The following SLC44A1 variants were observed in gnomAD, a reference collection of about 807,000 sequenced individuals.
SLC44A1 encodes the protein choline transporter-like protein 1.
A neutral mutation model predicts 79.3 loss-of-function variants in SLC44A1; 26 were observed. The observed-to-expected ratio is 0.33, with a 90% confidence interval of 0.24 to 0.46. The LOEUF (loss-of-function observed/expected upper bound fraction) is 0.46. Among genes scored for constraint, SLC44A1 ranks in the 20% least tolerant of loss-of-function variants. The pLI is 1.00. For missense variants in SLC44A1, 688 were observed against 798.1 expected, an observed-to-expected ratio of 0.86 and a Z score of 1.66; for synonymous variants, 263 against 286.2, an observed-to-expected ratio of 0.92 and a Z score of 0.82.
intron 1 of SLC44A1, among the ~76,000 whole-genome samples, chr9:105,262,774 T>C (rs1486904199): frequency 6.6e-6 from 1 of 152,236 alleles, no homozygotes; most frequent in Non-Finnish European, 1.5e-5. Flanking sequence ...AAGTATTCAA[T>C]TTGTTTCCTA....
chr9:105,436,678 A>G (rs566294147), intron 15 of SLC44A1, among the ~76,000 whole-genome samples: 7 of 152,338 alleles, frequency 4.6e-5, no homozygotes, highest in Admixed American at 2.0e-4. Flanking sequence ...TGAGTGAGGA[A>G]CTAATGTGGC....
Position 105,389,451 on chromosome 9 carries a change from G to A in SLC44A1, c.*395G>A. ...CTAATTATGTCTAAAGTTTATTCAG[G>A]GGTAATTTCCCTGATGTCTGTATAA... On this transcript the variant is annotated 3_prime_UTR_variant, in exon 16 of 16. Transcript: ENST00000374720. 9.7e-7 allele frequency: 1 copy of A among 1,031,582 alleles called. No homozygotes were observed. The highest frequency in any genetic ancestry group is 1.2e-6 in the Non-Finnish European group (1 of 859,192). The allele number at this position is 1,031,582 out of a possible 1,614,324, so 63.9% of individuals were successfully genotyped here. A position where few individuals can be genotyped will look rare whatever the true frequency, so the allele number is the denominator to read the frequency against.
intron 13 of SLC44A1, among the ~76,000 whole-genome samples, chr9:105,376,460 G>A (rs937532263): frequency 6.0e-5 from 9 of 150,148 alleles, no homozygotes; most frequent in African/African-American, 1.5e-4. Flanking sequence ...TGCAACCTCC[G>A]CGTCCTGGGT....
chr9:105,433,985 G>T (rs1255420157), intron 15 of SLC44A1, among the ~76,000 whole-genome samples: 1 of 152,124 alleles, frequency 6.6e-6, no homozygotes, highest in Non-Finnish European at 1.5e-5. Context: ...AGACTATAAG[G>T]TAGAAGAAAA....
At chr9:105,356,127 T>A in intron 5 of SLC44A1, 85 bp from the exon 6 acceptor site, 1 of 1,042,760 alleles carries the variant, frequency 9.6e-7, no homozygotes, top group Non-Finnish European at 1.5e-6. Flanking sequence ...TGCAGCCATA[T>A]TCACCTTTCA....
chr9:105,393,317 G>A lies in SLC44A1; in HGVS notation c.*4261G>A. ...GAATTAACTCATCTTTGTTAACTTA[G>A]TGGCACATAGTCCAAATTTTTAAAA... is the stretch of plus-strand genomic sequence containing the variant. On this transcript the variant is annotated 3_prime_UTR_variant, in exon 16 of 16. Coordinates refer to ENST00000374720, the MANE Select transcript of SLC44A1 (RefSeq NM_080546.5). The A allele has an allele frequency of 1.0e-6, 1 of 985,388 alleles. No individual in the cohort carries two copies. The highest frequency in any genetic ancestry group is 1.2e-6 in the Non-Finnish European group (1 of 829,912). 61.0% of individuals were successfully genotyped at this position (985,388 alleles called of 1,614,324 possible). A position where few individuals can be genotyped will look rare whatever the true frequency, so the allele number is the denominator to read the frequency against.
chr9:105,401,314 A>G (rs372540078), downstream of SLC44A1, among the ~76,000 whole-genome samples: 109 of 152,362 alleles, frequency 7.2e-4, 1 homozygote, highest in Non-Finnish European at 5.4e-4. Context: ...GCTGGGTAAG[A>G]TAATAAAATG....
Position 105,374,697 on chromosome 9 carries a change from A to G in SLC44A1, c.1594A>G (p.Ile532Val), listed in dbSNP as rs765997770. 5 of 1,613,490 alleles carry G rather than the reference A, an allele frequency of 3.1e-6. No individual in the cohort carries two copies. Among genetic ancestry groups the G allele is most frequent in the African/African-American group, 1.3e-5 (1 of 74,926 alleles). Reference protein sequence around the residue: ...LVENALRVATINTVGDFMLFL... With the variant: ...LVENALRVATVNTVGDFMLFL... The stretch of plus-strand genomic sequence containing the variant: ...GGAGAATGCTTTGCGAGTGGCTACC[A>G]TCAACACAGTAGGAGATTTTATGTT... Residue 532 changes from isoleucine to valine, a missense_variant, in exon 13 of 16, where the codon ATC becomes GTC. Transcript: ENST00000374720.
Position 105,390,011 on chromosome 9 carries a change from G to GT in SLC44A1, c.*957dup. 1 of 1,386,358 alleles carries GT rather than the reference G, an allele frequency of 7.2e-7. No individual in the cohort carries two copies. Among genetic ancestry groups the GT allele is most frequent in the Non-Finnish European group, 9.4e-7 (1 of 1,067,388 alleles). The allele number at this position is 1,386,358 out of a possible 1,614,324, so 85.9% of individuals were successfully genotyped here. A position where few individuals can be genotyped will look rare whatever the true frequency, so the allele number is the denominator to read the frequency against. ...TTCAGAGTAACGTCAGTGGCTTAGG[G>GT]TTAAACGGCCATTTTATTCAAATGC... On this transcript the variant is annotated 3_prime_UTR_variant, in exon 16 of 16. Transcript: ENST00000374720.
intron 3 of SLC44A1, among the ~76,000 whole-genome samples, chr9:105,333,716 A>G (rs761209885): frequency 8.5e-5 from 13 of 152,112 alleles, no homozygotes; most frequent in Non-Finnish European, 1.8e-4. Context: ...AGGCTGAGGC[A>G]GGAGAATCGT....
intron 6 of SLC44A1, chr9:105,357,262 A>G (rs1163228446): frequency 1.3e-5 from 2 of 152,188 alleles, no homozygotes; most frequent in Non-Finnish European, 2.9e-5. Context: ...AAAAGTGAGT[A>G]CCTTAATAAT....
chr9:105,370,804 G>A (rs1422923371), intron 12 of SLC44A1, among the ~76,000 whole-genome samples: 1 of 152,194 alleles, frequency 6.6e-6, no homozygotes, highest in Non-Finnish European at 1.5e-5. Context: ...TTAGTTAAGA[G>A]TGAGTTGTTC....
intron 1 of SLC44A1, among the ~76,000 whole-genome samples, chr9:105,258,559 G>A (rs1829764328): frequency 6.6e-6 from 1 of 152,208 alleles, no homozygotes; most frequent in Admixed American, 6.5e-5. Flanking sequence ...TTCCAAGCCT[G>A]TGCACTTCCT....
chr9:105,270,167 C>T lies in SLC44A1; in HGVS notation c.36+25263C>T, dbSNP rs561594602. On this transcript the variant is annotated intron_variant, in intron 1 of 15. Transcript: ENST00000374720. ...CATGACAGCTCTTACTGTCATGGAA[C>T]TCAGTGATGTTTCGTGCATGATCAT... is the stretch of plus-strand genomic sequence containing the variant. Among the ~76,000 whole-genome samples, 45 of 152,088 alleles carry T rather than the reference C, an allele frequency of 3.0e-4. 1 individual carries two copies. In the South Asian group the frequency reaches 9.3e-3, roughly 32 times the overall value.
At chr9:105,298,507 G>A (rs1291730680) in intron 1 of SLC44A1, among the ~76,000 whole-genome samples, 2 of 152,030 alleles carry the variant, frequency 1.3e-5, no homozygotes, top group African/African-American at 4.8e-5. Context: ...CCACCACCAC[G>A]CCCAGCTAAT....
chr9:105,392,245 G>A lies in SLC44A1; in HGVS notation c.*3189G>A. 4.1e-6 allele frequency: 4 copies of A among 983,616 alleles called. No homozygotes were observed. The South Asian group carries it at 1.9e-4, about 46-fold the overall frequency. 60.9% of individuals were successfully genotyped at this position (983,616 alleles called of 1,614,324 possible). ...TTAAAGTTTTTATTTTATCCTATAAGATAATTAAGTCCTAAGTCACTACAA... is the reference window on the plus strand; with the variant it reads ...TTAAAGTTTTTATTTTATCCTATAAAATAATTAAGTCCTAAGTCACTACAA... On this transcript the variant is annotated 3_prime_UTR_variant, in exon 16 of 16. Coordinates refer to ENST00000374720, the MANE Select transcript of SLC44A1 (RefSeq NM_080546.5).
intron 15 of SLC44A1, among the ~76,000 whole-genome samples, chr9:105,406,633 T>C (rs1317599371): frequency 6.6e-6 from 1 of 152,134 alleles, no homozygotes; most frequent in Non-Finnish European, 1.5e-5. Flanking sequence ...TCCCACCTAC[T>C]CAGGAGGCTG....
At chr9:105,358,532 A>T (rs1480917980) in intron 7 of SLC44A1, 99 bp downstream of exon 7, 5 of 737,808 alleles carry the variant, frequency 6.8e-6, no homozygotes, top group Non-Finnish European at 1.2e-5. Flanking sequence ...TTCACAAGCT[A>T]TATCCTCAAG....
chr9:105,336,803 C>T (rs1287858204), intron 4 of SLC44A1, among the ~76,000 whole-genome samples: 1 of 152,202 alleles, frequency 6.6e-6, no homozygotes, highest in Non-Finnish European at 1.5e-5. Flanking sequence ...TTCCGTTGTT[C>T]CATGCCCTCA....
Sources: gnomAD v4.1 joint callset for allele counts (sites outside exome capture counted in the v4.1 genomes callset) on GRCh38, gnomAD v4.1.1 for gene constraint, MANE v1.5 for transcripts, NCBI Gene and HGNC (gene_info 2026-07-23, HGNC 2026-07-21) for gene names.